Variants in RPS6KB2 observed in about 807,000 individuals in gnomAD.
The protein encoded by RPS6KB2 is ribosomal protein S6 kinase B2.
RPS6KB2 carries 51 observed loss-of-function variants against 58.2 expected under a neutral mutation model. That is an observed-to-expected ratio of 0.88 (90% CI 0.70 to 1.11). The LOEUF is 1.11. Ranked by LOEUF, RPS6KB2 falls within the 50% of genes least tolerant of loss-of-function variation. The probability of loss-of-function intolerance (pLI) is 0.00; values close to 1 mark genes in which losing one functional copy is unlikely to be tolerated. For synonymous variants in RPS6KB2, 293 were observed against 258.6 expected (o/e 1.13, Z -1.28); for missense variants, 671 against 655.8 (o/e 1.02, Z -0.25).
Position 67,429,532 on chromosome 11 carries a change from C to A in RPS6KB2, c.246C>A (p.Phe82Leu). ...CTGTCTCCCCTGCCCTACAGGTGTT[C>A]CAGGTGCGAAAGGTGCAAGGCACCA... Reference protein sequence around the residue: ...VLGKGGYGKVFQVRKVQGTNL... With the variant: ...VLGKGGYGKVLQVRKVQGTNL... Residue 82 changes from phenylalanine to leucine, a missense_variant, in exon 4 of 15, where the codon TTC becomes TTA. By Grantham distance (22) the Phe-to-Leu change is conservative (BLOSUM62 0). Transcript: ENST00000312629. The A allele has an allele frequency of 6.2e-7, 1 of 1,612,860 alleles. No individual in the cohort carries two copies. The highest frequency in any genetic ancestry group is 8.5e-7 in the Non-Finnish European group (1 of 1,179,556).
Position 67,429,549 on chromosome 11 carries a change from A to G in RPS6KB2, c.263A>G (p.Gln88Arg). 1.2e-6 allele frequency: 2 copies of G among 1,613,332 alleles called. No homozygotes were observed. Among genetic ancestry groups the G allele is most frequent in the Non-Finnish European group, 1.7e-6 (2 of 1,179,814 alleles). Residue 88 changes from glutamine to arginine, a missense_variant, in exon 4 of 15, where the codon CAA (glutamine) becomes CGA (arginine). Gln to Arg is a conservative substitution (Grantham distance 43, BLOSUM62 1). Coordinates refer to ENST00000312629, the MANE Select transcript of RPS6KB2 (RefSeq NM_003952.3). The part of the protein sequence containing the change: ...YGKVFQVRKV[Q>R]GTNLGKIYAM... ...CAGGTGTTCCAGGTGCGAAAGGTGC[A>G]AGGCACCAACTTGGGCAAAATATAT...
chr11:67,435,263 T>G lies in RPS6KB2; in HGVS notation c.*94T>G. 1 of 1,139,598 alleles carries G rather than the reference T, an allele frequency of 8.8e-7. No individual in the cohort carries two copies. The highest frequency in any genetic ancestry group is 1.2e-6 in the Non-Finnish European group (1 of 827,974). The allele number at this position is 1,139,598 out of a possible 1,614,324, so 70.6% of individuals were successfully genotyped here. On this transcript the variant is annotated 3_prime_UTR_variant, in exon 15 of 15. Transcript: ENST00000312629. ...GGCCAGTTCCAGAGACCTGGGGGTG[T>G]GTCTGGGGGTGGGGTGTGAGTGCGT...
chr11:67,429,824 T>A, intron 4 of RPS6KB2: 2 of 478,104 alleles, frequency 4.2e-6, no homozygotes, highest in Non-Finnish European at 3.7e-6. Flanking sequence ...TTTATTTTAT[T>A]TTTTTTTAAG....
rs746702111 is a variant in RPS6KB2, at chr11:67,433,397, C to A, written c.856C>A (p.Leu286Met). 4.3e-6 allele frequency: 7 copies of A among 1,614,026 alleles called. No individual in the cohort carries two copies. The highest frequency in any genetic ancestry group is 1.3e-5 in the African/African-American group (1 of 75,062). ...CATGGATAAGATCATCAGGGGCAAG[C>A]TGGCACTGCCCCCCTACCTCACCCC... ...KTMDKIIRGK[L>M]ALPPYLTPDA... is the part of the protein sequence containing the mutation. The change falls in exon 10 of 15, where the codon CTG (leucine) becomes ATG (methionine). Residue 286 changes from leucine to methionine, a missense_variant. By Grantham distance (15) the Leu-to-Met change is conservative. Coordinates refer to ENST00000312629, the MANE Select transcript of RPS6KB2 (RefSeq NM_003952.3).
In RPS6KB2 at chr11:67,429,120, G is replaced by A. The variant is rs752857156; in HGVS notation, c.120G>A (p.Glu40=). 2 of 1,613,882 alleles carry A rather than the reference G, an allele frequency of 1.2e-6. No individual in the cohort carries two copies. The highest frequency in any genetic ancestry group is 1.7e-6 in the Non-Finnish European group (2 of 1,180,042). ...PLAELRAAGL[E]PVGHYEEVEL... is the part of the protein sequence containing the mutation. ...CCTCATTAACTCCTTGTGTCCGTAG[G>A]CCTGTGGGACACTATGAAGAGGTGG... is the stretch of plus-strand genomic sequence containing the variant. The change falls in exon 3 of 15, where the codon GAG becomes GAA. Residue 40 remains glutamate, a splice_region_variant and synonymous_variant. Transcript: ENST00000312629.
intron 4 of RPS6KB2, 145 bp downstream of exon 4, chr11:67,429,740 T>C (rs1565144574): frequency 8.9e-6 from 6 of 673,334 alleles, no homozygotes; most frequent in Non-Finnish European, 1.6e-5. Context: ...GTGATGTGTA[T>C]TGTCTTGCAG....
intron 5 of RPS6KB2, chr11:67,431,827 C>A: frequency 2.9e-6 from 1 of 340,620 alleles, no homozygotes; most frequent in Non-Finnish European, 5.6e-6. Context: ...TTCTTCTCTC[C>A]CGTGTGCCCT....
chr11:67,434,075 A>C lies in RPS6KB2; in HGVS notation c.969+18A>C. 1.2e-6 allele frequency: 2 copies of C among 1,613,652 alleles called. No individual in the cohort carries two copies. The highest frequency in any genetic ancestry group is 1.7e-6 in the Non-Finnish European group (2 of 1,179,704). On this transcript the variant is annotated intron_variant, in intron 11 of 14. Coordinates refer to ENST00000312629, the MANE Select transcript of RPS6KB2 (RefSeq NM_003952.3). ...ATGTGCAGGTGGGTTTGGGACCACC[A>C]CCAGGGGTAGGGCTGAGTCTCCAAG...
At chr11:67,429,679 C>T in intron 4 of RPS6KB2, 84 bp downstream of exon 4, 1 of 1,100,276 alleles carries the variant, frequency 9.1e-7, no homozygotes, top group Non-Finnish European at 1.4e-6. Flanking sequence ...CAGCAGGGAA[C>T]ACAGTGGAGG....
At chr11:67,431,685 C>A in intron 5 of RPS6KB2, 170 bp downstream of exon 5, 1 of 617,256 alleles carries the variant, frequency 1.6e-6, no homozygotes, top group Non-Finnish European at 2.8e-6. Context: ...TCCCATCATT[C>A]ATTCATTCAG....
In RPS6KB2 at chr11:67,434,076, C is replaced by G. The variant is rs368101536; in HGVS notation, c.969+19C>G. The G allele has an allele frequency of 6.2e-7, 1 of 1,613,508 alleles. No homozygotes were observed. Among genetic ancestry groups the G allele is most frequent in the African/African-American group, 1.3e-5 (1 of 74,928 alleles). On this transcript the variant is annotated intron_variant, in intron 11 of 14. Coordinates refer to ENST00000312629, the MANE Select transcript of RPS6KB2 (RefSeq NM_003952.3). ...TGTGCAGGTGGGTTTGGGACCACCA[C>G]CAGGGGTAGGGCTGAGTCTCCAAGG...
chr11:67,432,810 C>T lies in RPS6KB2; in HGVS notation c.589C>T (p.Pro197Ser). ...SQGIIYRDLK[P>S]ENIMLSSQGH... ...GGGCATCATCTACCGGGACCTCAAG[C>T]CCGAGAACATCATGCTCAGCAGCCA... The change falls in exon 7 of 15, where the codon CCC (proline) becomes TCC (serine). Residue 197 changes from proline (P) to serine (S), a missense_variant. Transcript: ENST00000312629. 1 of 1,614,062 alleles carries T rather than the reference C, an allele frequency of 6.2e-7. No individual in the cohort carries two copies. The highest frequency in any genetic ancestry group is 8.5e-7 in the Non-Finnish European group (1 of 1,179,998).
chr11:67,433,163 G>A lies in RPS6KB2; in HGVS notation c.745G>A (p.Ala249Thr), dbSNP rs774109450. Residue 249 changes from alanine (A) to threonine (T), a missense_variant, in exon 9 of 15, where the codon GCT becomes ACT. By Grantham distance (58) the Ala-to-Thr change is moderately conservative. Coordinates refer to ENST00000312629, the MANE Select transcript of RPS6KB2 (RefSeq NM_003952.3). ...EILVRSGHNRAVDWWSLGALM... is the reference protein window; with the variant it reads ...EILVRSGHNRTVDWWSLGALM... The stretch of plus-strand genomic sequence containing the variant: ...TCTGGTGCGCAGTGGCCACAACCGG[G>A]CTGTGGACTGGTGGAGCCTGGGGGC... The A allele has an allele frequency of 6.2e-7, 1 of 1,605,224 alleles. No individual in the cohort carries two copies. Among genetic ancestry groups the A allele is most frequent in the Non-Finnish European group, 8.5e-7 (1 of 1,177,276 alleles).
At chr11:67,433,773 G>A (rs114477389) in intron 10 of RPS6KB2, among the ~76,000 whole-genome samples, 31 of 152,292 alleles carry the variant, frequency 2.0e-4, no homozygotes, top group African/African-American at 7.2e-4. Context: ...TCACCAACGC[G>A]CCCTGGGGCA....
At position 67,433,096 on chromosome 11, in the gene RPS6KB2, G is replaced by T. The variant is rs200812076; in HGVS notation, c.708-30G>T. 1.8e-4 allele frequency: 286 copies of T among 1,609,938 alleles called. No homozygotes were observed. In the African/African-American group the frequency reaches 3.5e-3, roughly 20 times the overall value. On this transcript the variant is annotated intron_variant, in intron 8 of 14. Transcript: ENST00000312629. Reference sequence around the variant, plus strand: ...CGGGAGGACAGCCCGAAGGGGCACGGCCTGACTGACAGTTCCACCTGGACC... The same window carrying T: ...CGGGAGGACAGCCCGAAGGGGCACGTCCTGACTGACAGTTCCACCTGGACC...
At position 67,431,362 on chromosome 11, in the gene RPS6KB2, C is replaced by T. The variant is rs199555125; in HGVS notation, c.310-6C>T. The T allele has an allele frequency of 6.2e-7, 1 of 1,613,174 alleles. No homozygotes were observed. Among genetic ancestry groups the T allele is most frequent in the South Asian group, 1.1e-5 (1 of 91,038 alleles). The stretch of plus-strand genomic sequence containing the variant: ...CTCAGTTTCTAACCAATTCCTGTAT[C>T]TCCAGGCCAAAATTGTGCGCAATGC... On this transcript the variant is annotated splice_region_variant and splice_polypyrimidine_tract_variant and intron_variant, in intron 4 of 14. Coordinates refer to ENST00000312629, the MANE Select transcript of RPS6KB2 (RefSeq NM_003952.3).
chr11:67,429,252 C>A lies in RPS6KB2; in HGVS notation c.240+12C>A. ...GGGGCTATGGCAAGGTAGGGGCGGG[C>A]GCACCCTCCTCCTGGCCTCACAGCC... On this transcript the variant is annotated intron_variant, in intron 3 of 14. Coordinates refer to ENST00000312629, the MANE Select transcript of RPS6KB2 (RefSeq NM_003952.3). 1 of 1,611,648 alleles carries A rather than the reference C, an allele frequency of 6.2e-7. No homozygotes were observed. Among genetic ancestry groups the A allele is most frequent in the Non-Finnish European group, 8.5e-7 (1 of 1,179,892 alleles).
intron 4 of RPS6KB2, chr11:67,430,869 C>T (rs1207539374): frequency 6.5e-6 from 1 of 152,984 alleles, no homozygotes; most frequent in East Asian, 1.9e-4. Flanking sequence ...TCCCAGGTGT[C>T]AGTAGTGCCG....
intron 13 of RPS6KB2, 28 bp from the exon 14 acceptor site, chr11:67,434,554 G>A: frequency 1.3e-6 from 2 of 1,595,930 alleles, no homozygotes; most frequent in Non-Finnish European, 1.7e-6. Flanking sequence ...GGCACTGAGT[G>A]TCGCATGGCC....
Sources: allele counts gnomAD v4.1 joint callset (sites outside exome capture counted in the v4.1 genomes callset), GRCh38; gene constraint gnomAD v4.1.1; transcripts MANE v1.5; gene names NCBI Gene and HGNC (gene_info 2026-07-23, HGNC 2026-07-21).